Variants in ADGRL3 observed in about 807,000 individuals in gnomAD.
ADGRL3 encodes the protein calcium-independent alpha-latrotoxin receptor 3.
In ADGRL3, 62 loss-of-function variants were observed where a neutral mutation model predicts 153.5. The ratio of observed to expected loss-of-function variants is 0.40; its 90% CI spans 0.33 to 0.50. The LOEUF (loss-of-function observed/expected upper bound fraction) is 0.50. ADGRL3 is among the 20% of genes least tolerant of loss of function. The pLI, the probability that ADGRL3 is intolerant of heterozygous loss-of-function variation, is 0.47. For missense variants in ADGRL3, 1,641 were observed against 1,859.4 expected (o/e 0.88, Z 2.16); for synonymous variants, 710 against 672.5 (o/e 1.06, Z -0.86).
chr4:61,724,362 G>C (rs2096290127), intron 6 of ADGRL3, among the ~76,000 whole-genome samples: 1 of 152,126 alleles, frequency 6.6e-6, no homozygotes, highest in Non-Finnish European at 1.5e-5. Context: ...AGTTTGAAAG[G>C]TTTTGCAGAT....
intron 4 of ADGRL3, among the ~76,000 whole-genome samples, chr4:61,576,374 T>A (rs1173450393): frequency 6.6e-6 from 1 of 151,722 alleles, no homozygotes; most frequent in African/African-American, 2.4e-5. Context: ...GGCTAGTCTA[T>A]CACATCCTGA....
chr4:61,491,763 T>C (rs550643419), intron 2 of ADGRL3, among the ~76,000 whole-genome samples: 1 of 152,212 alleles, frequency 6.6e-6, no homozygotes, highest in Admixed American at 6.5e-5. Flanking sequence ...ATTTTTACCA[T>C]TTTATCAAGG....
At chr4:61,786,078 A>T (rs1213905898) in intron 8 of ADGRL3, among the ~76,000 whole-genome samples, 1 of 152,176 alleles carries the variant, frequency 6.6e-6, no homozygotes, top group Non-Finnish European at 1.5e-5. Context: ...TAAGACAGTT[A>T]TATATACTAG....
chr4:61,975,966 A>G (rs1317329962), intron 17 of ADGRL3, among the ~76,000 whole-genome samples: 1 of 152,172 alleles, frequency 6.6e-6, no homozygotes, highest in Non-Finnish European at 1.5e-5. Flanking sequence ...CTTATCAAAT[A>G]TCCAAGTGGA....
chr4:61,566,437 G>A (rs1238243070), intron 4 of ADGRL3, among the ~76,000 whole-genome samples: 2 of 152,108 alleles, frequency 1.3e-5, no homozygotes, highest in Non-Finnish European at 2.9e-5. Flanking sequence ...ATAGAAACTT[G>A]GAGGGAGTGG....
At chr4:61,310,863 T>C (rs1162026918) in intron 1 of ADGRL3, among the ~76,000 whole-genome samples, 2 of 151,972 alleles carry the variant, frequency 1.3e-5, no homozygotes, top group African/African-American at 4.8e-5. Context: ...TTAATGCCTC[T>C]AAATAAATTA....
At chr4:61,789,494 A>C (rs559488814) in intron 8 of ADGRL3, among the ~76,000 whole-genome samples, 1 of 152,296 alleles carries the variant, frequency 6.6e-6, no homozygotes, top group East Asian at 1.9e-4. Context: ...TATATGCAAG[A>C]AGCTTATTTT....
intron 2 of ADGRL3, among the ~76,000 whole-genome samples, chr4:61,441,826 A>G (rs1031909888): frequency 6.6e-6 from 1 of 152,188 alleles, no homozygotes; most frequent in African/African-American, 2.4e-5. Context: ...ACTTTTGACT[A>G]GATAATATGG....
chr4:61,229,116 C>T (rs990445584), intron 1 of ADGRL3, among the ~76,000 whole-genome samples: 1 of 152,130 alleles, frequency 6.6e-6, no homozygotes, highest in Non-Finnish European at 1.5e-5. Flanking sequence ...GAGGTGAGGG[C>T]TGTGATCTTC....
rs555919104 is a variant in ADGRL3 at position 62,041,439 on chromosome 4, A to G, written c.3718-3014A>G. On this transcript the variant is annotated intron_variant, in intron 24 of 26. Transcript: ENST00000683033. ...AGATATATTTGCTTTTTATTATATAATATTTGAAAAATAAAAAAGTGAAAT... is the reference window on the plus strand; with the variant it reads ...AGATATATTTGCTTTTTATTATATAGTATTTGAAAAATAAAAAAGTGAAAT... Among the ~76,000 whole-genome samples the G allele has an allele frequency of 9.9e-5, 15 of 152,104 alleles. No homozygotes were observed. In the East Asian group the frequency reaches 2.9e-3, roughly 29 times the overall value.
intron 21 of ADGRL3, among the ~76,000 whole-genome samples, chr4:62,000,257 T>A (rs1042400044): frequency 2.0e-5 from 3 of 151,728 alleles, no homozygotes; most frequent in Non-Finnish European, 2.9e-5. Flanking sequence ...TCAAGTATAC[T>A]TTTTAGGTAA....
Position 62,073,723 on chromosome 4 carries a change from G to C in ADGRL3, c.*2815G>C, listed in dbSNP as rs1453914278. The C allele has an allele frequency of 3.3e-5, 5 of 152,068 alleles. No homozygotes were observed. The allele number at this position is 152,068 out of a possible 1,614,324, so 9.4% of individuals were successfully genotyped here. On this transcript the variant is annotated 3_prime_UTR_variant, in exon 27 of 27. Coordinates refer to ENST00000683033, the MANE Select transcript of ADGRL3 (RefSeq NM_001387552.1). Reference sequence around the variant, plus strand: ...CTCTACATAGACCAAACTGAAGAAAGATCACTTGAATACACAAACTGGTGC... The same window carrying C: ...CTCTACATAGACCAAACTGAAGAAACATCACTTGAATACACAAACTGGTGC...
At position 61,202,514 on chromosome 4, in the gene ADGRL3, G is replaced by C. The variant is rs944445878; in HGVS notation, c.-240+749G>C. On this transcript the variant is annotated intron_variant, in intron 1 of 26. Coordinates refer to ENST00000683033, the MANE Select transcript of ADGRL3 (RefSeq NM_001387552.1). The surrounding 1 kb of genome is among the most constrained non-coding windows in gnomAD (Gnocchi z 5.0). ...GTGCTGGTAGTGGGCACTGGGCGGGGGGCGGCGGTGTTGCACGAATCCGGG... is the reference window on the plus strand; with the variant it reads ...GTGCTGGTAGTGGGCACTGGGCGGGCGGCGGCGGTGTTGCACGAATCCGGG... 2.8e-4 allele frequency among the ~76,000 whole-genome samples: 42 copies of C among 152,182 alleles called. No individual in the cohort carries two copies. The highest frequency in any genetic ancestry group is 5.6e-4 in the Non-Finnish European group (38 of 68,036).
At chr4:61,891,008 C>T (rs1334567131) in intron 9 of ADGRL3, among the ~76,000 whole-genome samples, 1 of 151,994 alleles carries the variant, frequency 6.6e-6, no homozygotes, top group Non-Finnish European at 1.5e-5. Flanking sequence ...TTCAATTGCA[C>T]TTAATATTTT....
intron 2 of ADGRL3, among the ~76,000 whole-genome samples, chr4:61,413,117 T>C (rs2097106517): frequency 6.6e-6 from 1 of 152,176 alleles, no homozygotes; most frequent in African/African-American, 2.4e-5. Flanking sequence ...GTGGAGCTGA[T>C]AGAAGTCCAC....
intron 25 of ADGRL3, among the ~76,000 whole-genome samples, chr4:62,048,676 G>A (rs978711526): frequency 6.6e-6 from 1 of 151,690 alleles, no homozygotes; most frequent in Non-Finnish European, 1.5e-5. Context: ...CGTGCTTCAG[G>A]GTCCTGAGTA....
intron 1 of ADGRL3, among the ~76,000 whole-genome samples, chr4:61,240,105 A>C (rs1754344401): frequency 6.6e-6 from 1 of 152,082 alleles, no homozygotes; most frequent in African/African-American, 2.4e-5. Context: ...AGGCATGAGA[A>C]GATTTGGTGT....
At chr4:61,872,803 C>T (rs2098453524) in intron 9 of ADGRL3, among the ~76,000 whole-genome samples, 1 of 152,068 alleles carries the variant, frequency 6.6e-6, no homozygotes, top group East Asian at 1.9e-4. Context: ...TGTCCATGGG[C>T]AAGGTGAGAA....
Position 61,449,427 on chromosome 4 carries a change from G to A in ADGRL3, c.-173-47694G>A, listed in dbSNP as rs1025059022. Among the ~76,000 whole-genome samples, 55 of 151,844 alleles carry A rather than the reference G, an allele frequency of 3.6e-4. 2 individuals carry two copies. The highest frequency in any genetic ancestry group is 2.9e-5 in the Non-Finnish European group (2 of 67,958). ...TGGGATTACAGGCATGAGCCACCAC[G>A]CCCGGCCTATTTTTTCCATTTTTTT... On this transcript the variant is annotated intron_variant, in intron 2 of 26. Transcript: ENST00000683033.
Sources: gnomAD v4.1 joint callset for allele counts (sites outside exome capture counted in the v4.1 genomes callset) on GRCh38, gnomAD v4.1.1 for gene constraint, Gnocchi (gnomAD v3.1) non-coding constraint, MANE v1.5 for transcripts, NCBI Gene and HGNC (gene_info 2026-07-23, HGNC 2026-07-21) for gene names.